CDH13: variants seen among roughly 807,000 people sequenced by gnomAD.
CDH13 encodes the protein cadherin 13.
CDH13 carries 24 observed loss-of-function variants against 63.8 expected under a neutral mutation model. The observed-to-expected ratio is 0.38, with a 90% confidence interval of 0.27 to 0.53. The LOEUF (loss-of-function observed/expected upper bound fraction) is 0.53, where lower values mean the gene tolerates loss of function less well. Ranked by LOEUF, CDH13 falls within the 20% of genes least tolerant of loss-of-function variation. The pLI is 0.85. For missense variants in CDH13, 1,049 were observed against 903.1 expected (o/e 1.16, Z -2.07); for synonymous variants, 503 against 355.3 (o/e 1.42, Z -4.67).
intron 5 of CDH13, among the ~76,000 whole-genome samples, chr16:83,311,420 C>T (rs185281686): frequency 6.6e-6 from 1 of 152,330 alleles, no homozygotes; most frequent in African/African-American, 2.4e-5. Context: ...TACTTTCTCT[C>T]CAATCCTTTT....
chr16:83,558,401 T>C (rs989642045), intron 7 of CDH13, among the ~76,000 whole-genome samples: 6 of 152,176 alleles, frequency 3.9e-5, no homozygotes, highest in Non-Finnish European at 5.9e-5. Context: ...TTTAAGAGCA[T>C]CTAGATTTGT....
intron 7 of CDH13, among the ~76,000 whole-genome samples, chr16:83,508,100 G>GGAAGGAAGGAAGGAAGGAAGGA (rs1567722270): frequency 3.4e-4 from 20 of 59,664 alleles, no homozygotes; most frequent in African/African-American, 1.2e-3. Context: ...AGGAAGGAAA[G>GGAAGGAAGGAAGGAAGGAAGGA]AAGGAAGGAA....
chr16:83,117,979 A>T (rs913974987), intron 3 of CDH13, among the ~76,000 whole-genome samples: 1 of 152,224 alleles, frequency 6.6e-6, no homozygotes, highest in Non-Finnish European at 1.5e-5. Context: ...GCTTAGCTGC[A>T]TGAAACCGGA....
chr16:82,947,004 C>CTGTGTGTG (rs3223223), intron 2 of CDH13, among the ~76,000 whole-genome samples: 2,976 of 134,954 alleles, frequency 0.022, 71 homozygotes, highest in East Asian at 0.094. Flanking sequence ...GTGCGCACGC[C>CTGTGTGTG]TGTGTGTGTG....
chr16:82,696,391 T>C (rs577142338), intron 1 of CDH13, among the ~76,000 whole-genome samples: 13 of 152,336 alleles, frequency 8.5e-5, no homozygotes, highest in African/African-American at 2.9e-4. Flanking sequence ...ACCTTAATTG[T>C]ATTCAAAAGT....
Position 83,373,905 on chromosome 16 carries a change from G to A in CDH13, c.781+28899G>A, listed in dbSNP as rs192321732. 3.0e-3 allele frequency among the ~76,000 whole-genome samples: 458 copies of A among 152,244 alleles called. 1 individual carries two copies. Among genetic ancestry groups the A allele is most frequent in the South Asian group, 1.0e-2 (48 of 4,816 alleles). ...CCACCAGCATGGGATACATCCAACC[G>A]CAGGCAACCCGAAAGGGAAGGATCC... is the stretch of plus-strand genomic sequence containing the variant. On this transcript the variant is annotated intron_variant, in intron 6 of 13. Coordinates refer to ENST00000567109, the MANE Select transcript of CDH13 (RefSeq NM_001257.5).
At chr16:83,443,882 C>T (rs2072577394) in intron 6 of CDH13, among the ~76,000 whole-genome samples, 1 of 147,990 alleles carries the variant, frequency 6.8e-6, no homozygotes, top group Non-Finnish European at 1.5e-5. Flanking sequence ...CTGCAGTGAG[C>T]CAAGACTGCA....
chr16:83,213,049 G>A (rs566400708), intron 4 of CDH13, among the ~76,000 whole-genome samples: 2 of 152,300 alleles, frequency 1.3e-5, no homozygotes, highest in South Asian at 4.1e-4. Flanking sequence ...GCAGGAGGCA[G>A]GTTCAGCAGC....
intron 5 of CDH13, among the ~76,000 whole-genome samples, chr16:83,339,480 A>T (rs59458867): frequency 6.6e-6 from 1 of 152,156 alleles, no homozygotes; most frequent in East Asian, 1.9e-4. Flanking sequence ...CCAGCTTTGT[A>T]TCAGACACTT....
chr16:83,379,003 AT>A (rs2091507193), intron 6 of CDH13, among the ~76,000 whole-genome samples: 1 of 143,832 alleles, frequency 7.0e-6, no homozygotes, highest in African/African-American at 2.5e-5. Flanking sequence ...ATATATATAT[AT>A]ATACACACAC....
intron 8 of CDH13, among the ~76,000 whole-genome samples, chr16:83,627,427 A>G (rs182141522): frequency 9.5e-4 from 145 of 152,240 alleles, no homozygotes; most frequent in African/African-American, 3.3e-3. Context: ...AATAGTGCCA[A>G]CTCCAGGCAT....
intron 4 of CDH13, among the ~76,000 whole-genome samples, chr16:83,149,922 A>C (rs1389750393): frequency 6.6e-6 from 1 of 152,204 alleles, no homozygotes; most frequent in East Asian, 1.9e-4. Flanking sequence ...TTGGCTATTA[A>C]ACAGTTAGCA....
intron 7 of CDH13, among the ~76,000 whole-genome samples, chr16:83,589,028 G>A (rs1308186212): frequency 1.3e-5 from 2 of 152,196 alleles, no homozygotes; most frequent in African/African-American, 4.8e-5. Context: ...ATCCTACAGA[G>A]CTAGAAGTCA....
chr16:83,477,948 G>T (rs577056797), intron 6 of CDH13, among the ~76,000 whole-genome samples: 1 of 152,050 alleles, frequency 6.6e-6, no homozygotes, highest in Admixed American at 6.5e-5. Context: ...TTGGGAGGCC[G>T]AGTCGGGTGG....
At chr16:82,658,151 A>G (rs532208841) in intron 1 of CDH13, among the ~76,000 whole-genome samples, 5 of 152,266 alleles carry the variant, frequency 3.3e-5, no homozygotes, top group African/African-American at 1.2e-4. Context: ...TTCTGCATCT[A>G]TTGATATGTG....
chr16:83,200,022 A>T (rs1373121212), intron 4 of CDH13, among the ~76,000 whole-genome samples: 1 of 152,186 alleles, frequency 6.6e-6, no homozygotes, highest in African/African-American at 2.4e-5. Context: ...ATGGGGAGAC[A>T]GTGGCTGGGC....
At chr16:83,260,359 T>A (rs766718874) in intron 5 of CDH13, among the ~76,000 whole-genome samples, 124 of 152,262 alleles carry the variant, frequency 8.1e-4, no homozygotes, top group African/African-American at 2.5e-3. Flanking sequence ...GGGACAGGAA[T>A]GAGTGGGGCT....
chr16:83,355,607 A>T (rs999853407), intron 6 of CDH13, among the ~76,000 whole-genome samples: 12 of 152,206 alleles, frequency 7.9e-5, no homozygotes, highest in Non-Finnish European at 1.8e-4. Context: ...TTGAAAATGT[A>T]TTCATTCTTT....
intron 7 of CDH13, among the ~76,000 whole-genome samples, chr16:83,575,353 A>AAAAACAAAAAC (rs1905012191): frequency 6.6e-6 from 1 of 152,228 alleles, no homozygotes; most frequent in Non-Finnish European, 1.5e-5. Flanking sequence ...AAACAAAAAC[A>AAAAACAAAAAC]AAAAGTGTCC....
Sources: gnomAD v4.1 joint callset for allele counts (sites outside exome capture counted in the v4.1 genomes callset) on GRCh38, gnomAD v4.1.1 for gene constraint, MANE v1.5 for transcripts, NCBI Gene and HGNC (gene_info 2026-07-23, HGNC 2026-07-21) for gene names.